The following TMIGD3 variants were observed in gnomAD, a reference collection of about 807,000 sequenced individuals.
TMIGD3 encodes AD026 protein (AD026).
In TMIGD3, 21 loss-of-function variants were observed where a neutral mutation model predicts 28.1. That is an observed-to-expected ratio of 0.75 (90% CI 0.53 to 1.08). TMIGD3 has a LOEUF of 1.08. TMIGD3 is among the 50% of genes least tolerant of loss of function. TMIGD3 has a pLI of 0.00. For synonymous variants in TMIGD3, 151 were observed against 162.1 expected, an observed-to-expected ratio of 0.93 and a Z score of 0.52; for missense variants, 416 against 435.6, an observed-to-expected ratio of 0.96 and a Z score of 0.40.
intron 1 of TMIGD3, among the ~76,000 whole-genome samples, chr1:111,547,040 A>G (rs1442141946): frequency 6.6e-6 from 1 of 152,220 alleles, no homozygotes; most frequent in Non-Finnish European, 1.5e-5. Context: ...TTGTGCATCA[A>G]ATTATTTTCC....
intron 1 of TMIGD3, among the ~76,000 whole-genome samples, chr1:111,509,918 A>T (rs1372970315): frequency 6.6e-6 from 1 of 152,398 alleles, no homozygotes; most frequent in Admixed American, 6.5e-5. Flanking sequence ...GCAGCACAGC[A>T]GCAAATGGCA....
chr1:111,488,706 G>T lies in TMIGD3; in HGVS notation c.776C>A (p.Thr259Asn), dbSNP rs1571399357. 5.6e-6 allele frequency: 9 copies of T among 1,614,068 alleles called. No homozygotes were observed. The highest frequency in any genetic ancestry group is 7.6e-6 in the Non-Finnish European group (9 of 1,179,930). ...CCCAGACCAAAAGTCATTGGCCAGG[G>T]TTCCTTTGTCGTCAGTTACAATCAG... ...TELIVTDDKGTLANDFWSGKD... is the reference protein window; with the variant it reads ...TELIVTDDKGNLANDFWSGKD... The change falls in exon 3 of 6, where the codon ACC (threonine) becomes AAC (asparagine). Residue 259 changes from threonine (T) to asparagine (N), a missense_variant. Transcript: ENST00000369716.
chr1:111,529,113 A>AT (rs1469158643), intron 1 of TMIGD3, among the ~76,000 whole-genome samples: 3 of 150,384 alleles, frequency 2.0e-5, no homozygotes, highest in African/African-American at 7.3e-5. Context: ...TATTTTTTTT[A>AT]TTTTTTGTAA....
upstream of TMIGD3, among the ~76,000 whole-genome samples, chr1:111,506,187 G>A (rs1655483995): frequency 6.6e-6 from 1 of 152,216 alleles, no homozygotes; most frequent in African/African-American, 2.4e-5. Flanking sequence ...AGTTCCTGGA[G>A]GACAGGGACC....
In TMIGD3 at chr1:111,483,761, T is replaced by C; in HGVS notation, c.974-4A>G. 6.2e-7 allele frequency: 1 copy of C among 1,613,366 alleles called. No individual in the cohort carries two copies. Among genetic ancestry groups the C allele is most frequent in the Non-Finnish European group, 8.5e-7 (1 of 1,179,312 alleles). On this transcript the variant is annotated splice_polypyrimidine_tract_variant and splice_region_variant and intron_variant, in intron 5 of 5. Transcript: ENST00000369716. ...AAGGGCTTCAAAGTGTTGCCTACTT[T>C]GTTGGGGAATAGAAAGGGAAAATGG...
At chr1:111,494,506 G>A (rs1434944363) in intron 1 of TMIGD3, among the ~76,000 whole-genome samples, 2 of 152,180 alleles carry the variant, frequency 1.3e-5, no homozygotes, top group Non-Finnish European at 2.9e-5. Flanking sequence ...GCTTACCAGG[G>A]AGGTGAAAGA....
At chr1:111,545,297 T>G (rs75975583) in intron 1 of TMIGD3, among the ~76,000 whole-genome samples, 1,862 of 152,248 alleles carry the variant, frequency 0.012, 34 homozygotes, top group African/African-American at 0.042. Context: ...TTTTTCCTTT[T>G]TTTTAATTAA....
chr1:111,514,643 AACACAC>A (rs113195244), intron 1 of TMIGD3, among the ~76,000 whole-genome samples: 53 of 149,016 alleles, frequency 3.6e-4, no homozygotes, highest in African/African-American at 1.2e-3. Context: ...ACAGTATGGG[AACACAC>A]ACACACACAC....
chr1:111,542,308 C>G, intron 1 of TMIGD3: 1 of 515,584 alleles, frequency 1.9e-6, no homozygotes, highest in Middle Eastern at 6.4e-4. Flanking sequence ...GCGACAAGAG[C>G]AAAGAAGTTA....
chr1:111,563,916 C>G, exon 1 of TMIGD3: 1 of 1,613,946 alleles, frequency 6.2e-7, no homozygotes, highest in South Asian at 1.1e-5. Context: ...CACCTGGCCT[C>G]CTTCTGCTCA....
At chr1:111,511,174 C>T (rs1655675676) in intron 1 of TMIGD3, among the ~76,000 whole-genome samples, 4 of 152,336 alleles carry the variant, frequency 2.6e-5, no homozygotes, top group Middle Eastern at 3.4e-3. Context: ...TCTTGGAGCA[C>T]TTACTACACT....
chr1:111,496,163 A>G (rs1041458148), intron 1 of TMIGD3, among the ~76,000 whole-genome samples: 1 of 152,206 alleles, frequency 6.6e-6, no homozygotes, highest in African/African-American at 2.4e-5. Context: ...AAAGTTTAAA[A>G]CATAAAAAAT....
chr1:111,488,445 G>A (rs184541718), intron 3 of TMIGD3, among the ~76,000 whole-genome samples: 3 of 152,324 alleles, frequency 2.0e-5, no homozygotes, highest in Admixed American at 6.5e-5. Flanking sequence ...GGGAAGAGAA[G>A]TTCTAAAAGT....
intron 1 of TMIGD3, among the ~76,000 whole-genome samples, chr1:111,550,079 G>T (rs370682195): frequency 4.6e-5 from 7 of 152,196 alleles, no homozygotes; most frequent in Admixed American, 4.6e-4. Context: ...TTAGAAATTT[G>T]TCCATTTTCT....
chr1:111,517,975 A>G (rs1289559932), intron 1 of TMIGD3, among the ~76,000 whole-genome samples: 1 of 152,192 alleles, frequency 6.6e-6, no homozygotes, highest in Non-Finnish European at 1.5e-5. Context: ...ATCTTAACAC[A>G]TCCCTGTGAG....
At chr1:111,536,139 T>C (rs1656631887) in intron 1 of TMIGD3, among the ~76,000 whole-genome samples, 2 of 152,154 alleles carry the variant, frequency 1.3e-5, no homozygotes, top group African/African-American at 4.8e-5. Flanking sequence ...AGCTCATAAG[T>C]CCTTTAGCTT....
chr1:111,513,624 C>T (rs1655764310), intron 1 of TMIGD3, among the ~76,000 whole-genome samples: 1 of 152,166 alleles, frequency 6.6e-6, no homozygotes, highest in South Asian at 2.1e-4. Flanking sequence ...AGTCAACTGG[C>T]CTGCTCAGTC....
intron 1 of TMIGD3, among the ~76,000 whole-genome samples, chr1:111,493,006 A>G (rs1654737251): frequency 6.6e-6 from 1 of 152,186 alleles, no homozygotes; most frequent in African/African-American, 2.4e-5. Flanking sequence ...TTTTTAAAAC[A>G]TCTTTTAGAA....
At chr1:111,529,369 TTTCTTTC>T (rs985134594) in intron 1 of TMIGD3, among the ~76,000 whole-genome samples, 4 of 135,440 alleles carry the variant, frequency 3.0e-5, no homozygotes, top group African/African-American at 5.1e-5. Context: ...TCTTTCTTTC[TTTCTTTC>T]TTTTTTTTTT....
Sources: allele counts gnomAD v4.1 joint callset (sites outside exome capture counted in the v4.1 genomes callset), GRCh38; gene constraint gnomAD v4.1.1; transcripts MANE v1.5; gene names NCBI Gene and HGNC (gene_info 2026-07-23, HGNC 2026-07-21).